CNTNAP2: variants seen among roughly 807,000 people sequenced by gnomAD.
CNTNAP2 encodes contactin associated protein 2.
A neutral mutation model predicts 155.2 loss-of-function variants in CNTNAP2; 98 were observed. The observed-to-expected ratio is 0.63, with a 90% CI of 0.54 to 0.75. CNTNAP2 has a LOEUF of 0.75. CNTNAP2 is among the 30% of genes least tolerant of loss of function. The pLI is 0.00. For synonymous variants in CNTNAP2, 651 were observed against 631.2 expected, an observed-to-expected ratio of 1.03 and a Z score of -0.47; for missense variants, 1,727 against 1,688.1, an observed-to-expected ratio of 1.02 and a Z score of -0.40.
intron 13 of CNTNAP2, among the ~76,000 whole-genome samples, chr7:147,753,941 G>C (rs1395028676): frequency 6.6e-6 from 1 of 152,180 alleles, no homozygotes; most frequent in Non-Finnish European, 1.5e-5. Context: ...TAACATCAGT[G>C]TGAACTCAGG....
intron 3 of CNTNAP2, among the ~76,000 whole-genome samples, chr7:146,918,492 G>A (rs1192497136): frequency 6.6e-6 from 1 of 152,096 alleles, no homozygotes; most frequent in Non-Finnish European, 1.5e-5. Flanking sequence ...GGTTTAACGA[G>A]GCTAAAGATA....
At chr7:147,358,872 T>C (rs1165753674) in intron 9 of CNTNAP2, among the ~76,000 whole-genome samples, 1 of 152,092 alleles carries the variant, frequency 6.6e-6, no homozygotes, top group East Asian at 1.9e-4. Context: ...TGGCCTCATT[T>C]GTTAAAGCTG....
Position 147,486,186 on chromosome 7 carries a change from CAAA to C in CNTNAP2, c.1777+156_1777+158del, listed in dbSNP as rs4015951. On this transcript the variant is annotated intron_variant, in intron 11 of 23. Coordinates refer to ENST00000361727, the MANE Select transcript of CNTNAP2 (RefSeq NM_014141.6). ...ACCAAGATTCCAATTGTCATTTCTC[CAAA>C]AAAAAAAAAATAAAATACACTATTC... The C allele has an allele frequency of 0.56, 313,982 of 560,584 alleles. 81,138 individuals are homozygous for C. Among genetic ancestry groups the C allele is most frequent in the African/African-American group, 0.68 (35,368 of 52,220 alleles). 34.7% of individuals were successfully genotyped at this position (560,584 alleles called of 1,614,324 possible).
At chr7:146,729,837 T>C (rs1391621200) in intron 1 of CNTNAP2, among the ~76,000 whole-genome samples, 7 of 152,178 alleles carry the variant, frequency 4.6e-5, no homozygotes, top group Admixed American at 3.9e-4. Flanking sequence ...TTCTTGTAAA[T>C]CTAATCAAAG....
chr7:146,671,318 C>G (rs958215918), intron 1 of CNTNAP2, among the ~76,000 whole-genome samples: 1 of 151,932 alleles, frequency 6.6e-6, no homozygotes, highest in Admixed American at 6.6e-5. Context: ...AAGAGGCAAG[C>G]TACTTTTAGT....
chr7:147,104,873 C>CATATAT (rs56674675), intron 4 of CNTNAP2, among the ~76,000 whole-genome samples: 37 of 101,416 alleles, frequency 3.6e-4, no homozygotes, highest in Non-Finnish European at 5.8e-4. Flanking sequence ...CTTCCTCCCT[C>CATATAT]ATATATATAT....
At chr7:147,763,747 C>T (rs1396044634) in intron 13 of CNTNAP2, among the ~76,000 whole-genome samples, 1 of 152,166 alleles carries the variant, frequency 6.6e-6, no homozygotes, top group Non-Finnish European at 1.5e-5. Context: ...CAGCTGAACA[C>T]TTCAGTCTTC....
At chr7:147,705,382 T>A (rs1400070927) in intron 13 of CNTNAP2, among the ~76,000 whole-genome samples, 4 of 152,164 alleles carry the variant, frequency 2.6e-5, no homozygotes, top group African/African-American at 9.7e-5. Flanking sequence ...GTTACTGATT[T>A]CTAGTTTTAT....
chr7:148,266,928 C>T lies in CNTNAP2; in HGVS notation c.3382-105C>T, dbSNP rs529331679. The T allele has an allele frequency of 1.0e-4, 104 of 1,036,978 alleles. 2 individuals carry two copies. The South Asian group carries it at 1.2e-3, about 12-fold the overall frequency. 64.2% of individuals were successfully genotyped at this position (1,036,978 alleles called of 1,614,324 possible). ...AGTCAGTGCTGATGAAATAAGATAT[C>T]AGAAAACCAGGGTTCAAAGAGTGAT... is the stretch of plus-strand genomic sequence containing the variant. On this transcript the variant is annotated intron_variant, in intron 20 of 23. Coordinates refer to ENST00000361727, the MANE Select transcript of CNTNAP2 (RefSeq NM_014141.6).
At chr7:147,097,521 A>C (rs1429905584) in intron 4 of CNTNAP2, 3 of 152,266 alleles carry the variant, frequency 2.0e-5, no homozygotes, top group East Asian at 3.9e-4. Flanking sequence ...AATGAGAGCC[A>C]AGAGAAACGG....
intron 1 of CNTNAP2, among the ~76,000 whole-genome samples, chr7:146,602,679 A>G (rs1798969466): frequency 6.6e-6 from 1 of 152,182 alleles, no homozygotes; most frequent in Non-Finnish European, 1.5e-5. Flanking sequence ...GAAAATACAC[A>G]TAGTGATTTA....
Position 147,395,745 on chromosome 7 carries a change from G to A in CNTNAP2, c.1635G>A (p.Ala545=), listed in dbSNP as rs755959345. The change falls in exon 10 of 24, where the codon GCG becomes GCA. Residue 545 remains alanine, a synonymous_variant. Coordinates refer to ENST00000361727, the MANE Select transcript of CNTNAP2 (RefSeq NM_014141.6). ...CACAAAGGAAGCCGGGAAGTTTCGC[G>A]AATGTCAGCATTGACATGTGTGCGA... The part of the protein sequence containing the change: ...EVAQRKPGSF[A]NVSIDMCAII... The A allele has an allele frequency of 4.0e-5, 65 of 1,612,278 alleles. No homozygotes were observed. The highest frequency in any genetic ancestry group is 4.9e-5 in the Non-Finnish European group (58 of 1,178,804).
At chr7:148,365,808 G>T (rs763139369) in intron 21 of CNTNAP2, among the ~76,000 whole-genome samples, 1 of 97,434 alleles carries the variant, frequency 1.0e-5, no homozygotes, top group East Asian at 2.1e-4. Context: ...GCATGTGTAT[G>T]CATGTATACA....
intron 1 of CNTNAP2, among the ~76,000 whole-genome samples, chr7:146,588,097 T>A (rs1798724499): frequency 6.6e-6 from 1 of 152,080 alleles, no homozygotes; most frequent in African/African-American, 2.4e-5. Flanking sequence ...CACGTTGCCA[T>A]ATAGAATATT....
intron 1 of CNTNAP2, among the ~76,000 whole-genome samples, chr7:146,508,299 T>C (rs1797415274): frequency 6.6e-6 from 1 of 152,172 alleles, no homozygotes; most frequent in Non-Finnish European, 1.5e-5. Flanking sequence ...CCACATGTAT[T>C]TGGAGTCTGA....
chr7:147,567,760 C>G (rs373544840), intron 12 of CNTNAP2, among the ~76,000 whole-genome samples: 12 of 152,072 alleles, frequency 7.9e-5, no homozygotes, highest in Non-Finnish European at 1.3e-4. Context: ...AGATGCTACG[C>G]AAAGTCACTG....
At chr7:148,059,166 T>TA (rs1803082820) in intron 15 of CNTNAP2, among the ~76,000 whole-genome samples, 1 of 152,118 alleles carries the variant, frequency 6.6e-6, no homozygotes, top group Non-Finnish European at 1.5e-5. Context: ...TACACTGCTG[T>TA]AGTCCCAGCT....
At chr7:147,158,783 T>G (rs966053841) in intron 8 of CNTNAP2, among the ~76,000 whole-genome samples, 2 of 152,072 alleles carry the variant, frequency 1.3e-5, no homozygotes, top group Non-Finnish European at 2.9e-5. Context: ...GTTGAGCAAC[T>G]ACTAGAGGCC....
intron 10 of CNTNAP2, among the ~76,000 whole-genome samples, chr7:147,441,863 C>G (rs1584950258): frequency 7.1e-6 from 1 of 140,354 alleles, no homozygotes; most frequent in East Asian, 2.4e-4. Flanking sequence ...CTCCCTCCCT[C>G]CCTCCCTCCC....
Sources: allele counts gnomAD v4.1 joint callset (sites outside exome capture counted in the v4.1 genomes callset), GRCh38; gene constraint gnomAD v4.1.1; transcripts MANE v1.5; gene names NCBI Gene and HGNC (gene_info 2026-07-23, HGNC 2026-07-21).